The following PCDHA1 variants were observed in gnomAD, a reference collection of about 807,000 sequenced individuals.
PCDHA1 encodes the protein protocadherin alpha-1.
In PCDHA1, 42 loss-of-function variants were observed where a neutral mutation model predicts 61.3. That is an observed-to-expected ratio of 0.69 (90% CI 0.54 to 0.89). The LOEUF (loss-of-function observed/expected upper bound fraction) is 0.89. PCDHA1 is among the 40% of genes least tolerant of loss of function. The pLI is 0.00. For synonymous variants in PCDHA1, 610 were observed against 553.8 expected (o/e 1.10, Z -1.43); for missense variants, 1,256 against 1,235.3 (o/e 1.02, Z -0.25).
chr5:140,909,343 C>G (rs148713510), intron 1 of PCDHA1, among the ~76,000 whole-genome samples: 2 of 152,264 alleles, frequency 1.3e-5, no homozygotes, highest in African/African-American at 4.8e-5. Context: ...ATACCAGGTA[C>G]CAAGAGATGT....
chr5:140,833,353 G>C (rs891169928), intron 1 of PCDHA1, among the ~76,000 whole-genome samples: 3 of 152,096 alleles, frequency 2.0e-5, no homozygotes, highest in African/African-American at 4.8e-5. Flanking sequence ...TCCAGAAAAC[G>C]AACACAGTAA....
At position 140,787,753 on chromosome 5, in the gene PCDHA1, C is replaced by G; in HGVS notation, c.1463C>G (p.Ala488Gly). Residue 488 changes from alanine (A) to glycine (G), a missense_variant, in exon 1 of 4, where the codon GCG becomes GGG. Ala to Gly is a moderately conservative substitution (Grantham distance 60, BLOSUM62 0). Transcript: ENST00000504120. Reference sequence around the variant, plus strand: ...CGGGACGCGGACGCGCAGGAGAACGCGCTGGTGTCCTATTCGCTGGTGGAA... The same window carrying G: ...CGGGACGCGGACGCGCAGGAGAACGGGCTGGTGTCCTATTCGCTGGTGGAA... Reference protein sequence around the residue: ...SARDADAQENALVSYSLVERR... With the variant: ...SARDADAQENGLVSYSLVERR... The G allele has an allele frequency of 6.2e-7, 1 of 1,613,356 alleles. No homozygotes were observed.
chr5:140,846,377 T>TCTC (rs1780417779), intron 1 of PCDHA1, among the ~76,000 whole-genome samples: 1 of 134,692 alleles, frequency 7.4e-6, no homozygotes, highest in African/African-American at 2.7e-5. Flanking sequence ...TTCTTTCTTT[T>TCTC]TTTTTTTTTT....
intron 1 of PCDHA1, chr5:140,802,113 G>C: frequency 6.2e-7 from 1 of 1,614,186 alleles, no homozygotes. Flanking sequence ...CAGTGTAAAG[G>C]GTAACATAGA....
At chr5:140,852,855 T>C in intron 1 of PCDHA1, 1 of 964,490 alleles carries the variant, frequency 1.0e-6, no homozygotes, top group Non-Finnish European at 1.3e-6. Flanking sequence ...TTACTAAGCA[T>C]TTACTATGTC....
Position 140,884,013 on chromosome 5 carries a change from C to T in PCDHA1, c.2395-94936C>T, listed in dbSNP as rs148971741. The T allele has an allele frequency of 5.1e-5, 82 of 1,613,132 alleles. No homozygotes were observed. The African/African-American group carries it at 9.2e-4, about 18-fold the overall frequency. On this transcript the variant is annotated intron_variant, in intron 1 of 3. Transcript: ENST00000504120. ...GGAGGCACAGTGAGCGAGCTGATGC[C>T]GCGGTCGGTGGGTGCAGGCCACGTG...
chr5:140,822,217 G>A (rs1554128520), intron 1 of PCDHA1: 1 of 1,614,270 alleles, frequency 6.2e-7, no homozygotes. Flanking sequence ...AAGAATGCCA[G>A]ATTCGCGGTT....
chr5:140,952,512 C>T (rs1381568463), intron 1 of PCDHA1, among the ~76,000 whole-genome samples: 1 of 152,124 alleles, frequency 6.6e-6, no homozygotes, highest in Non-Finnish European at 1.5e-5. Flanking sequence ...TCCTCATCTC[C>T]ATCTGAGACC....
intron 1 of PCDHA1, chr5:140,849,998 G>C (rs1331024860): frequency 6.3e-7 from 1 of 1,597,138 alleles, no homozygotes; most frequent in Admixed American, 1.7e-5. Context: ...GGTTGGGCGA[G>C]CGCTCGCTGT....
intron 1 of PCDHA1, among the ~76,000 whole-genome samples, chr5:140,797,954 G>A (rs1286519848): frequency 6.6e-6 from 1 of 152,194 alleles, no homozygotes; most frequent in Admixed American, 6.5e-5. Context: ...CCGGGTTCAA[G>A]TGATTGTCTT....
intron 1 of PCDHA1, chr5:140,824,610 G>GTTTTTTTGTTTTTTTTTT (rs1768198907): frequency 1.1e-5 from 1 of 95,104 alleles, no homozygotes; most frequent in African/African-American, 4.9e-5. Context: ...GCTAATTAAA[G>GTTTTTTTGTTTTTTTTTT]TTTTTTTTTT....
At chr5:140,835,603 T>G (rs2150239266) in intron 1 of PCDHA1, 10 of 1,613,804 alleles carry the variant, frequency 6.2e-6, no homozygotes, top group Non-Finnish European at 1.7e-6. Context: ...TACTATTCAT[T>G]GGTGCTGGAC....
chr5:140,869,476 G>C (rs530490517), intron 1 of PCDHA1: 71 of 1,614,076 alleles, frequency 4.4e-5, no homozygotes, highest in Non-Finnish European at 5.9e-5. Context: ...GGAGGTGAAG[G>C]ACATTAACGA....
At chr5:140,898,321 G>A (rs370229202) in intron 1 of PCDHA1, among the ~76,000 whole-genome samples, 42 of 152,060 alleles carry the variant, frequency 2.8e-4, no homozygotes, top group Non-Finnish European at 1.2e-4. Flanking sequence ...TTATGGTTTT[G>A]GGTCTAACGT....
chr5:140,977,012 TTC>T (rs2096742095), intron 1 of PCDHA1, among the ~76,000 whole-genome samples: 1 of 152,220 alleles, frequency 6.6e-6, no homozygotes, highest in African/African-American at 2.4e-5. Context: ...GTAACTGTGA[TTC>T]TGTCAAATGA....
chr5:140,974,945 A>G (rs2096646889), intron 1 of PCDHA1, among the ~76,000 whole-genome samples: 1 of 152,180 alleles, frequency 6.6e-6, no homozygotes, highest in African/African-American at 2.4e-5. Flanking sequence ...CCTATTTGTT[A>G]TCTCACAGTC....
At chr5:140,805,529 G>A in intron 1 of PCDHA1, 2 of 986,496 alleles carry the variant, frequency 2.0e-6, no homozygotes, top group Non-Finnish European at 2.4e-6. Flanking sequence ...AGACAAACAG[G>A]ATGAAAATAA....
At chr5:140,880,317 A>C (rs1295276378) in intron 1 of PCDHA1, among the ~76,000 whole-genome samples, 1 of 152,248 alleles carries the variant, frequency 6.6e-6, no homozygotes, top group East Asian at 1.9e-4. Flanking sequence ...ACAAGTAAAA[A>C]ATAAGATACT....
chr5:140,808,077 C>G, intron 1 of PCDHA1: 1 of 1,613,850 alleles, frequency 6.2e-7, no homozygotes, highest in Non-Finnish European at 8.5e-7. Context: ...CACATAGATC[C>G]AATTACTGGA....
Sources: allele counts gnomAD v4.1 joint callset (sites outside exome capture counted in the v4.1 genomes callset), GRCh38; gene constraint gnomAD v4.1.1; transcripts MANE v1.5; gene names NCBI Gene and HGNC (gene_info 2026-07-23, HGNC 2026-07-21).